The following CTNNA2 variants were observed in gnomAD, a reference collection of about 807,000 sequenced individuals.
CTNNA2 encodes catenin alpha-2.
In CTNNA2, 42 loss-of-function variants were observed where a neutral mutation model predicts 101.0. The ratio of observed to expected loss-of-function variants is 0.42; its 90% CI spans 0.32 to 0.54. CTNNA2 has a LOEUF of 0.54. Among genes scored for constraint, CTNNA2 ranks in the 20% least tolerant of loss-of-function variants. CTNNA2 has a pLI of 0.14. For synonymous variants in CTNNA2, 450 were observed against 456.4 expected (o/e 0.99, Z 0.18); for missense variants, 871 against 1,223.1 (o/e 0.71, Z 4.29).
At chr2:79,571,774 C>T (rs1675473425) in intron 1 of CTNNA2, among the ~76,000 whole-genome samples, 1 of 152,118 alleles carries the variant, frequency 6.6e-6, no homozygotes, top group Non-Finnish European at 1.5e-5. Context: ...ATTTACTTGG[C>T]CTTAGTTGAT....
intron 7 of CTNNA2, among the ~76,000 whole-genome samples, chr2:80,231,324 C>A (rs1709197826): frequency 6.6e-6 from 1 of 152,110 alleles, no homozygotes; most frequent in African/African-American, 2.4e-5. Context: ...TCATCCAGCT[C>A]AGTCACAGTG....
intron 4 of CTNNA2, among the ~76,000 whole-genome samples, chr2:79,487,231 A>C (rs1671167051): frequency 7.2e-6 from 1 of 138,542 alleles, no homozygotes; most frequent in African/African-American, 2.7e-5. Context: ...TCTAAGGGAA[A>C]GATTGTAAAT....
At chr2:80,246,119 T>C (rs1671312141) in intron 7 of CTNNA2, among the ~76,000 whole-genome samples, 1 of 152,144 alleles carries the variant, frequency 6.6e-6, no homozygotes, top group Non-Finnish European at 1.5e-5. Flanking sequence ...TACCTGTTTA[T>C]ATCTTGCCTC....
intron 4 of CTNNA2, among the ~76,000 whole-genome samples, chr2:79,428,720 G>GA (rs200251360): frequency 6.6e-6 from 1 of 151,816 alleles, no homozygotes; most frequent in Non-Finnish European, 1.5e-5. Flanking sequence ...TGAGGCTGTT[G>GA]AAAAAAAACA....
chr2:79,953,415 T>C (rs1689016397), intron 7 of CTNNA2, among the ~76,000 whole-genome samples: 1 of 152,212 alleles, frequency 6.6e-6, no homozygotes, highest in African/African-American at 2.4e-5. Flanking sequence ...CCTGTCCTCA[T>C]GAAGGCAGCC....
At chr2:79,456,853 A>G (rs978012841) in intron 4 of CTNNA2, among the ~76,000 whole-genome samples, 5 of 152,212 alleles carry the variant, frequency 3.3e-5, no homozygotes, top group Non-Finnish European at 7.3e-5. Flanking sequence ...AAACAATTCA[A>G]GTATATGTGT....
At chr2:80,380,163 A>G (rs1676372619) in intron 7 of CTNNA2, among the ~76,000 whole-genome samples, 1 of 149,920 alleles carries the variant, frequency 6.7e-6, no homozygotes, top group South Asian at 2.1e-4. Context: ...CAGCCTCCTG[A>G]GTAGCTGGGA....
chr2:79,651,923 C>T (rs1013890053), intron 2 of CTNNA2, among the ~76,000 whole-genome samples: 16 of 152,102 alleles, frequency 1.1e-4, no homozygotes, highest in Non-Finnish European at 2.4e-4. Flanking sequence ...CCCTCATTTA[C>T]GGTAATGGGT....
At position 79,979,078 on chromosome 2, in the gene CTNNA2, G is replaced by A. The variant is rs377240176; in HGVS notation, c.1056+69281G>A. ...CATCCCTGAGGGAATCACACTCTTG[G>A]ATGAAAGCAGTGTGATTTTCTGATA... On this transcript the variant is annotated intron_variant, in intron 7 of 18. Coordinates refer to ENST00000402739, the MANE Select transcript of CTNNA2 (RefSeq NM_001282597.3). Among the ~76,000 whole-genome samples, 23 of 152,250 alleles carry A rather than the reference G, an allele frequency of 1.5e-4. No homozygotes were observed. The East Asian group carries it at 3.5e-3, about 23-fold the overall frequency.
chr2:79,739,472 A>C (rs1418487596), intron 2 of CTNNA2, among the ~76,000 whole-genome samples: 1 of 152,190 alleles, frequency 6.6e-6, no homozygotes, highest in African/African-American at 2.4e-5. Context: ...CTGTTTACAA[A>C]AGTTTTTCTC....
chr2:79,548,269 A>C (rs1445842118), intron 1 of CTNNA2: 1 of 152,242 alleles, frequency 6.6e-6, no homozygotes, highest in Non-Finnish European at 1.5e-5. Context: ...CAGTGTCCCC[A>C]GTATTTATCA....
intron 9 of CTNNA2, among the ~76,000 whole-genome samples, chr2:80,534,824 A>G (rs575985281): frequency 6.6e-6 from 1 of 152,240 alleles, no homozygotes; most frequent in East Asian, 1.9e-4. Flanking sequence ...TGATGCAGAA[A>G]TTTCACTTCC....
chr2:80,085,933 G>C (rs1007412937), intron 7 of CTNNA2, among the ~76,000 whole-genome samples: 3 of 152,016 alleles, frequency 2.0e-5, no homozygotes, highest in African/African-American at 7.2e-5. Flanking sequence ...TGATCTTGAT[G>C]GGACATGTAT....
intron 7 of CTNNA2, among the ~76,000 whole-genome samples, chr2:80,272,803 A>G (rs904517789): frequency 6.6e-6 from 1 of 152,182 alleles, no homozygotes; most frequent in Non-Finnish European, 1.5e-5. Context: ...GTCATTCTGT[A>G]TTTGTGTTTA....
intron 7 of CTNNA2, among the ~76,000 whole-genome samples, chr2:80,236,272 T>C (rs927707683): frequency 6.6e-6 from 1 of 152,166 alleles, no homozygotes; most frequent in African/African-American, 2.4e-5. Context: ...CACTGAACAT[T>C]TGTGTGCAAG....
intron 3 of CTNNA2, among the ~76,000 whole-genome samples, chr2:79,772,598 G>A (rs1461957900): frequency 6.6e-6 from 1 of 152,116 alleles, no homozygotes; most frequent in African/African-American, 2.4e-5. Flanking sequence ...TTAAGAGACA[G>A]GTTCTCTTCT....
rs1186431014 is a variant in CTNNA2 at position 80,328,207 on chromosome 2, T to A, written c.1057-65004T>A. 6.5e-6 allele frequency: 3 copies of A among 459,454 alleles called. No individual in the cohort carries two copies. The East Asian group carries it at 2.1e-4, about 32-fold the overall frequency. 28.5% of individuals were successfully genotyped at this position (459,454 alleles called of 1,614,324 possible). On this transcript the variant is annotated intron_variant, in intron 7 of 18. Transcript: ENST00000402739. ...AATCAGAGAGCAGATGGACTGCTTT[T>A]TTGGGTTTTGTCATTATCTGTCTTT...
intron 2 of CTNNA2, among the ~76,000 whole-genome samples, chr2:79,676,009 G>C (rs1573644107): frequency 6.6e-6 from 1 of 152,026 alleles, no homozygotes; most frequent in African/African-American, 2.4e-5. Context: ...TCACCCTCAG[G>C]GTCATCCGTA....
At chr2:80,434,024 T>C (rs1165094083) in intron 9 of CTNNA2, among the ~76,000 whole-genome samples, 1 of 152,222 alleles carries the variant, frequency 6.6e-6, no homozygotes, top group Non-Finnish European at 1.5e-5. Context: ...CAAATACTGT[T>C]AATAAATGAC....
Sources: gnomAD v4.1 joint callset for allele counts (sites outside exome capture counted in the v4.1 genomes callset) on GRCh38, gnomAD v4.1.1 for gene constraint, MANE v1.5 for transcripts, NCBI Gene and HGNC (gene_info 2026-07-23, HGNC 2026-07-21) for gene names.